Variants in SH3BP2 observed in about 807,000 individuals in gnomAD.
SH3BP2 encodes SH3 domain binding protein 2.
Under a neutral mutation model 56.2 loss-of-function variants are expected in SH3BP2, and 38 were observed. The observed-to-expected ratio is 0.68, with a 90% CI of 0.52 to 0.89. The LOEUF (loss-of-function observed/expected upper bound fraction) is 0.89. Among genes scored for constraint, SH3BP2 ranks in the 40% least tolerant of loss-of-function variants. SH3BP2 has a pLI of 0.00. For synonymous variants in SH3BP2, 346 were observed against 316.7 expected (o/e 1.09, Z -0.98); for missense variants, 748 against 762.6 (o/e 0.98, Z 0.23).
chr4:2,808,289 C>T (rs1723616733), intron 1 of SH3BP2, among the ~76,000 whole-genome samples: 1 of 152,312 alleles, frequency 6.6e-6, no homozygotes, highest in Admixed American at 6.5e-5. Flanking sequence ...TTACATGGTC[C>T]TTTCCAGGCA....
chr4:2,815,990 A>G (rs939881910), intron 1 of SH3BP2, among the ~76,000 whole-genome samples: 4 of 152,208 alleles, frequency 2.6e-5, no homozygotes, highest in East Asian at 1.9e-4. Context: ...TTGCTAGTAT[A>G]TAGAAATAGA....
rs769351436 is a variant in SH3BP2, at chr4:2,820,445, G to C, written c.-4-169G>C. On this transcript the variant is annotated intron_variant, in intron 1 of 12. Coordinates refer to ENST00000503393, the MANE Select transcript of SH3BP2 (RefSeq NM_001122681.2). ...GGAGCCCGTGGCTCTGTCTCTCCCT[G>C]GGGTCCCACCTGGAAGCCCAAGGCC... Among the ~76,000 whole-genome samples the C allele has an allele frequency of 9.6e-4, 146 of 152,158 alleles. 2 individuals carry two copies. The highest frequency in any genetic ancestry group is 2.0e-4 in the Admixed American group (3 of 15,282).
intron 1 of SH3BP2, among the ~76,000 whole-genome samples, chr4:2,809,526 C>T (rs1448122838): frequency 6.6e-6 from 1 of 152,080 alleles, no homozygotes; most frequent in African/African-American, 2.4e-5. Context: ...GTACAGGGTC[C>T]CTGGGTGCCA....
In SH3BP2 at chr4:2,813,954, TC is replaced by T. The variant is rs374212195; in HGVS notation, c.-4-6656del. Among the ~76,000 whole-genome samples the T allele has an allele frequency of 1.3e-4, 20 of 152,302 alleles. No individual in the cohort carries two copies. The East Asian group carries it at 3.7e-3, about 28-fold the overall frequency. The stretch of plus-strand genomic sequence containing the variant: ...TGGTATCTTCTCCCTTTGGGCTGGA[TC>T]CCCAGCCCCAACTTGCCCTGTGGCT... On this transcript the variant is annotated intron_variant, in intron 1 of 12. Transcript: ENST00000503393.
At chr4:2,798,987 C>T in intron 1 of SH3BP2, 6 of 985,736 alleles carry the variant, frequency 6.1e-6, no homozygotes, top group Non-Finnish European at 7.2e-6. Context: ...CCCCCAGGAG[C>T]TGCACGCAGC....
chr4:2,798,646 A>G, intron 1 of SH3BP2: 1 of 152,674 alleles, frequency 6.5e-6, no homozygotes, highest in Non-Finnish European at 1.5e-5. Flanking sequence ...GGCTGGGCAG[A>G]TAGTGCTGGG....
chr4:2,825,868 C>G (rs564233859), intron 5 of SH3BP2, among the ~76,000 whole-genome samples: 1 of 152,370 alleles, frequency 6.6e-6, no homozygotes, highest in East Asian at 1.9e-4. Context: ...CCTTGGCAGC[C>G]TCCCCCGTGA....
intron 3 of SH3BP2, 77 bp downstream of exon 3, chr4:2,823,114 T>TCTGCTG: frequency 9.5e-7 from 1 of 1,050,104 alleles, no homozygotes; most frequent in African/African-American, 1.6e-5. Context: ...CAGCTGGGCC[T>TCTGCTG]GCCCCTTATT....
chr4:2,827,816 A>G (rs1560109533), intron 7 of SH3BP2, 142 bp downstream of exon 7: 1 of 699,638 alleles, frequency 1.4e-6, no homozygotes, highest in Non-Finnish European at 2.5e-6. Context: ...TGTCCCAAGT[A>G]TTATGAGGAT....
At chr4:2,805,034 A>G (rs940711700) in intron 1 of SH3BP2, among the ~76,000 whole-genome samples, 1 of 152,194 alleles carries the variant, frequency 6.6e-6, no homozygotes, top group Non-Finnish European at 1.5e-5. Context: ...TAGCCCTCCT[A>G]TCACAAGAGG....
In SH3BP2 at chr4:2,825,194, C is replaced by G. The variant is rs1418380258; in HGVS notation, c.426C>G (p.Thr142=). The stretch of plus-strand genomic sequence containing the variant: ...AAAAGAAAGACCTGCCCTTGGACAC[C>G]AGGTGAGCCCGGGCCCAGGGCATAC... ...FHEKKDLPLD[T]SDSSSDTDSF... The change falls in exon 5 of 13, where the codon ACC becomes ACG. Residue 142 remains threonine (T), a splice_region_variant and synonymous_variant. Transcript: ENST00000503393. The G allele has an allele frequency of 1.9e-6, 3 of 1,576,792 alleles. No homozygotes were observed. The highest frequency in any genetic ancestry group is 4.7e-5 in the East Asian group (2 of 42,652).
At chr4:2,830,723 C>G (rs1251925408) in intron 8 of SH3BP2, among the ~76,000 whole-genome samples, 1 of 152,242 alleles carries the variant, frequency 6.6e-6, no homozygotes, top group Non-Finnish European at 1.5e-5. Context: ...CCCACTCCCA[C>G]AGAGTTACGC....
chr4:2,825,375 C>A (rs898126862), intron 5 of SH3BP2, among the ~76,000 whole-genome samples, 179 bp downstream of exon 5: 1 of 152,128 alleles, frequency 6.6e-6, no homozygotes, highest in Non-Finnish European at 1.5e-5. Flanking sequence ...AGATACAGGA[C>A]AAGCACAGAT....
At chr4:2,827,803 C>A in intron 7 of SH3BP2, 129 bp downstream of exon 7, 1 of 744,622 alleles carries the variant, frequency 1.3e-6, no homozygotes, top group Non-Finnish European at 2.3e-6. Context: ...CGCTTCCCTG[C>A]TGTGTCCCAA....
At position 2,831,069 on chromosome 4, in the gene SH3BP2, T is replaced by TC. The variant is rs1330946059; in HGVS notation, c.1242-499dup. Among the ~76,000 whole-genome samples the TC allele has an allele frequency of 1.3e-5, 2 of 152,230 alleles. No individual in the cohort carries two copies. The highest frequency in any genetic ancestry group is 3.8e-4 in the East Asian group (2 of 5,196). On this transcript the variant is annotated intron_variant, in intron 8 of 12. Transcript: ENST00000503393. The surrounding 1 kb of genome is among the most constrained non-coding windows in gnomAD (Gnocchi z 4.1). ...GCTCAGCCTCACCCACAGGCTGGCC[T>TC]CCCATGCTGGCGTGGCCCGTTAATC...
At chr4:2,818,231 G>C in intron 1 of SH3BP2, 1 of 987,822 alleles carries the variant, frequency 1.0e-6, no homozygotes, top group Non-Finnish European at 1.2e-6. Flanking sequence ...GGCATGGCGG[G>C]CTCCGGGCCG....
chr4:2,811,878 C>T, intron 1 of SH3BP2: 1 of 176,718 alleles, frequency 5.7e-6, no homozygotes. Flanking sequence ...GCAGCAGCTG[C>T]CCTGGCAGGA....
intron 1 of SH3BP2, among the ~76,000 whole-genome samples, chr4:2,800,273 C>T (rs1265537387): frequency 1.3e-5 from 2 of 152,168 alleles, no homozygotes; most frequent in Admixed American, 1.3e-4. Context: ...GCTTTTCTGG[C>T]AGACAGTGGC....
intron 1 of SH3BP2, chr4:2,809,941 G>C (rs1449998724): frequency 2.1e-6 from 1 of 472,990 alleles, no homozygotes; most frequent in African/African-American, 2.1e-5. Flanking sequence ...AGGGACACCA[G>C]GGCTGCCCAT....
Sources: gnomAD v4.1 joint callset for allele counts (sites outside exome capture counted in the v4.1 genomes callset) on GRCh38, gnomAD v4.1.1 for gene constraint, Gnocchi (gnomAD v3.1) non-coding constraint, MANE v1.5 for transcripts, NCBI Gene and HGNC (gene_info 2026-07-23, HGNC 2026-07-21) for gene names.